Variants in SH3RF1 observed in about 807,000 individuals in gnomAD.
SH3RF1 encodes the protein SH3 domain containing ring finger 1, also known as E3 ubiquitin-protein ligase SH3RF1.
A neutral mutation model predicts 74.0 loss-of-function variants in SH3RF1; 32 were observed. That is an observed-to-expected ratio of 0.43 (90% CI 0.33 to 0.58). SH3RF1 has a LOEUF of 0.58. Ranked by LOEUF, SH3RF1 falls within the 20% of genes least tolerant of loss-of-function variation. The pLI is 0.05. For missense variants in SH3RF1, 954 were observed against 1,130.9 expected, an observed-to-expected ratio of 0.84 and a Z score of 2.24; for synonymous variants, 396 against 439.6, an observed-to-expected ratio of 0.90 and a Z score of 1.24.
chr4:169,257,952 T>G (rs952870042), intron 2 of SH3RF1, among the ~76,000 whole-genome samples: 7 of 152,210 alleles, frequency 4.6e-5, no homozygotes, highest in Non-Finnish European at 1.5e-5. Flanking sequence ...GGCAGATTAC[T>G]GGTGTCAATG....
In SH3RF1 at chr4:169,130,139, G is replaced by C. The variant is rs767619111; in HGVS notation, c.1086C>G (p.Thr362=). 1.3e-6 allele frequency: 2 copies of C among 1,587,490 alleles called. No homozygotes were observed. Among genetic ancestry groups the C allele is most frequent in the South Asian group, 2.3e-5 (2 of 87,084 alleles). ...SAPSQVHIST[T]GLIVTPPPSS... is the part of the protein sequence containing the mutation. ...TTGGGGGCGGGGTCACAATTAACCC[G>C]GTGGTACTTATATGAACCTGCCGAG... Residue 362 remains threonine, a synonymous_variant, in exon 6 of 12, where the codon ACC becomes ACG. Transcript: ENST00000284637.
intron 5 of SH3RF1, among the ~76,000 whole-genome samples, chr4:169,134,664 A>C (rs1320287513): frequency 6.6e-6 from 1 of 152,172 alleles, no homozygotes; most frequent in Non-Finnish European, 1.5e-5. Context: ...ACCTTTCTGG[A>C]TTAACCTCAC....
rs150702695 is a variant in SH3RF1 at position 169,137,116 on chromosome 4, C to A, written c.766-496G>T. ...AAAGAATAAAACCATTCAAAATGAA[C>A]TCATGTGCTTCCATGTATATTTACC... On this transcript the variant is annotated intron_variant, in intron 4 of 11. Coordinates refer to ENST00000284637, the MANE Select transcript of SH3RF1 (RefSeq NM_020870.4). Among the ~76,000 whole-genome samples the A allele has an allele frequency of 8.5e-4, 130 of 152,336 alleles. 1 individual carries two copies. The highest frequency in any genetic ancestry group is 3.4e-3 in the Middle Eastern group (1 of 294).
chr4:169,143,656 T>C (rs1163139098), intron 4 of SH3RF1, among the ~76,000 whole-genome samples: 2 of 152,180 alleles, frequency 1.3e-5, no homozygotes, highest in East Asian at 3.8e-4. Context: ...GGTTACTCAT[T>C]TAAGCAGTAG....
chr4:169,261,604 CAA>C (rs377229920), intron 2 of SH3RF1, among the ~76,000 whole-genome samples: 16 of 110,478 alleles, frequency 1.4e-4, no homozygotes, highest in African/African-American at 1.3e-4. Flanking sequence ...GAGACCATCT[CAA>C]AAAAAAAAAA....
intron 6 of SH3RF1, among the ~76,000 whole-genome samples, chr4:169,122,945 C>A (rs1027200151): frequency 6.6e-6 from 1 of 152,152 alleles, no homozygotes; most frequent in Non-Finnish European, 1.5e-5. Context: ...CTACAGGATT[C>A]CATGCCTTTT....
intron 11 of SH3RF1, among the ~76,000 whole-genome samples, chr4:169,098,625 TC>T (rs1347542997): frequency 6.6e-6 from 1 of 152,202 alleles, no homozygotes; most frequent in Non-Finnish European, 1.5e-5. Flanking sequence ...GCTTATCATA[TC>T]TGAGAAAGGT....
At chr4:169,248,829 A>G (rs1475032404) in intron 2 of SH3RF1, among the ~76,000 whole-genome samples, 1 of 152,150 alleles carries the variant, frequency 6.6e-6, no homozygotes, top group Non-Finnish European at 1.5e-5. Context: ...GACCTCATAG[A>G]ACTACTCAAC....
intron 2 of SH3RF1, among the ~76,000 whole-genome samples, chr4:169,253,231 C>G (rs1247431468): frequency 1.3e-5 from 2 of 152,236 alleles, no homozygotes; most frequent in African/African-American, 4.8e-5. Context: ...ACCTTCCTAG[C>G]ATGTTGCTTC....
chr4:169,134,312 T>C (rs1733663554), intron 5 of SH3RF1, among the ~76,000 whole-genome samples: 1 of 152,240 alleles, frequency 6.6e-6, no homozygotes, highest in Non-Finnish European at 1.5e-5. Flanking sequence ...TCTACTTTTA[T>C]AGTCTTCATT....
intron 4 of SH3RF1, 81 bp downstream of exon 4, chr4:169,155,399 C>A: frequency 9.0e-7 from 1 of 1,110,466 alleles, no homozygotes. Context: ...GTGAGGACTT[C>A]TTAATACTCA....
rs940672495 is a variant in SH3RF1, at chr4:169,136,593, C to G, written c.793G>C (p.Glu265Gln). Reference protein sequence around the residue: ...EFNSAAKQLIEWDKPPVPGVD... With the variant: ...EFNSAAKQLIQWDKPPVPGVD... ...CCTGGCACAGGAGGCTTATCCCATT[C>G]TATCAGCTGCTTAGCAGCCGAGTTA... The change falls in exon 5 of 12, where the codon GAA (glutamate) becomes CAA (glutamine). Residue 265 changes from glutamate (E) to glutamine (Q), a missense_variant. This residue lies in a region of SH3RF1 where 854 missense variants were observed against 962.5 expected (regional missense o/e 0.89). Transcript: ENST00000284637. The G allele has an allele frequency of 6.5e-7, 1 of 1,545,126 alleles. No homozygotes were observed. The highest frequency in any genetic ancestry group is 8.7e-7 in the Non-Finnish European group (1 of 1,145,630).
intron 10 of SH3RF1, among the ~76,000 whole-genome samples, chr4:169,113,977 T>C (rs79898597): frequency 1.1e-3 from 161 of 151,938 alleles, no homozygotes; most frequent in Non-Finnish European, 2.0e-3. Flanking sequence ...GAAGGTTGAG[T>C]TGAGTTACAG....
chr4:169,130,055 A>G lies in SH3RF1; in HGVS notation c.1170T>C (p.Ala390=), dbSNP rs1349844390. The change falls in exon 6 of 12, where the codon GCT becomes GCC. Residue 390 remains alanine, a synonymous_variant. Transcript: ENST00000284637. The stretch of plus-strand genomic sequence containing the variant: ...GAGAAACTATACTCACTCCAAGGGC[A>G]GCTTGGTAGGGAACATCTGATGGGA... ...FTFPSDVPYQ[A]ALGTLNPPLP... is the part of the protein sequence containing the mutation. The G allele has an allele frequency of 3.7e-6, 6 of 1,613,322 alleles. No homozygotes were observed. The highest frequency in any genetic ancestry group is 1.3e-5 in the African/African-American group (1 of 74,900).
rs149490335 is a variant in SH3RF1, at chr4:169,208,600, A to G, written c.394-51921T>C. On this transcript the variant is annotated intron_variant, in intron 2 of 11. Coordinates refer to ENST00000284637, the MANE Select transcript of SH3RF1 (RefSeq NM_020870.4). ...GCAATTAGTCATCTTAGTTATACCA[A>G]TTTCACTCTGTCTTAGTGCCCCAAG... 2.2e-3 allele frequency among the ~76,000 whole-genome samples: 341 copies of G among 152,280 alleles called. 4 individuals are homozygous for G. Among genetic ancestry groups the G allele is most frequent in the African/African-American group, 8.0e-3 (333 of 41,560 alleles).
At chr4:169,215,788 G>A (rs556769401) in intron 2 of SH3RF1, among the ~76,000 whole-genome samples, 17 of 145,322 alleles carry the variant, frequency 1.2e-4, no homozygotes, top group African/African-American at 3.3e-4. Context: ...TTTTTTTTTC[G>A]TTTGCTTGTT....
intron 11 of SH3RF1, among the ~76,000 whole-genome samples, chr4:169,101,487 A>T (rs1346794946): frequency 6.6e-6 from 1 of 152,172 alleles, no homozygotes; most frequent in Non-Finnish European, 1.5e-5. Flanking sequence ...CTTAATGAGT[A>T]CAGATTCAGT....
At chr4:169,152,705 C>A (rs1359214107) in intron 4 of SH3RF1, among the ~76,000 whole-genome samples, 1 of 152,146 alleles carries the variant, frequency 6.6e-6, no homozygotes, top group Non-Finnish European at 1.5e-5. Context: ...CCATTGCACT[C>A]CAGCCTGCGC....
chr4:169,164,560 G>A (rs1262440036), intron 2 of SH3RF1, among the ~76,000 whole-genome samples: 2 of 152,166 alleles, frequency 1.3e-5, no homozygotes, highest in African/African-American at 4.8e-5. Flanking sequence ...TACTGAAGGA[G>A]ACATTTTTAT....
Sources: allele counts gnomAD v4.1 joint callset (sites outside exome capture counted in the v4.1 genomes callset), GRCh38; gene constraint gnomAD v4.1.1; regional missense constraint gnomAD v4.1.1; transcripts MANE v1.5; gene names NCBI Gene and HGNC (gene_info 2026-07-23, HGNC 2026-07-21).